Variants in PRPF31 observed in about 807,000 individuals in gnomAD.
PRPF31 encodes the protein pre-mRNA processing factor 31.
In PRPF31, 12 loss-of-function variants were observed where a neutral mutation model predicts 60.4. The observed-to-expected ratio is 0.20, with a 90% confidence interval of 0.13 to 0.32. The LOEUF is 0.32. Ranked by LOEUF, PRPF31 falls within the 10% of genes least tolerant of loss-of-function variation. The probability of loss-of-function intolerance (pLI) is 1.00; values close to 1 mark genes in which losing one functional copy is unlikely to be tolerated. For synonymous variants in PRPF31, 287 were observed against 287.9 expected (o/e 1.00, Z 0.03); for missense variants, 431 against 687.1 (o/e 0.63, Z 4.17).
chr19:54,130,890 C>T (rs1444584847), intron 13 of PRPF31, among the ~76,000 whole-genome samples: 21 of 152,114 alleles, frequency 1.4e-4, no homozygotes, highest in Admixed American at 1.4e-3. Context: ...GGGGCTCGCT[C>T]TGTTGCCTTG....
At chr19:54,123,387 G>A (rs1247834562) in intron 5 of PRPF31, 67 bp from the exon 6 acceptor site, 17 of 1,215,872 alleles carry the variant, frequency 1.4e-5, no homozygotes, top group Non-Finnish European at 2.1e-5. Flanking sequence ...AGGAGGTGCT[G>A]AGCAAGAGAG....
rs57129308 is a variant in PRPF31, at chr19:54,130,976, T to C, written c.1375-331T>C. Among the ~76,000 whole-genome samples, 511 of 152,328 alleles carry C rather than the reference T, an allele frequency of 3.4e-3. 4 individuals are homozygous for C. The highest frequency in any genetic ancestry group is 0.012 in the African/African-American group (487 of 41,576). On this transcript the variant is annotated intron_variant, in intron 13 of 13. Coordinates refer to ENST00000321030, the MANE Select transcript of PRPF31 (RefSeq NM_015629.4). Reference sequence around the variant, plus strand: ...TGATCGTCAGTGGTGTTGGTGTGATTTGTGCTAGGACCTCGGGCCAGCCAT... The same window carrying C: ...TGATCGTCAGTGGTGTTGGTGTGATCTGTGCTAGGACCTCGGGCCAGCCAT...
intron 11 of PRPF31, 63 bp from the exon 12 acceptor site, chr19:54,128,994 G>C: frequency 6.7e-7 from 1 of 1,501,634 alleles, no homozygotes; most frequent in Non-Finnish European, 9.1e-7. Flanking sequence ...TGGAGGGGGT[G>C]CCTCGGTGGC....
intron 1 of PRPF31, among the ~76,000 whole-genome samples, chr19:54,116,356 C>G (rs1241480639): frequency 6.6e-6 from 1 of 152,050 alleles, no homozygotes; most frequent in African/African-American, 2.4e-5. Context: ...AGGCGCGCAC[C>G]ACCACGCCCG....
At position 54,128,022 on chromosome 19, in the gene PRPF31, G is replaced by T. The variant is rs765457751; in HGVS notation, c.946-51G>T. 6.5e-6 allele frequency: 10 copies of T among 1,547,862 alleles called. No homozygotes were observed. The South Asian group carries it at 1.2e-4, about 18-fold the overall frequency. On this transcript the variant is annotated intron_variant, in intron 9 of 13. Coordinates refer to ENST00000321030, the MANE Select transcript of PRPF31 (RefSeq NM_015629.4). ...GGGGGGCCCGCTCAGAGGAGGCCTGGGTGGGCAGCCCACGCGAGCAGCTGC... is the reference window on the plus strand; with the variant it reads ...GGGGGGCCCGCTCAGAGGAGGCCTGTGTGGGCAGCCCACGCGAGCAGCTGC...
intron 5 of PRPF31, 108 bp downstream of exon 5, chr19:54,122,702 T>C: frequency 1.1e-6 from 1 of 901,626 alleles, no homozygotes; most frequent in South Asian, 1.3e-5. Context: ...TGGAGAGGAG[T>C]GGACGAGGGC....
intron 9 of PRPF31, among the ~76,000 whole-genome samples, chr19:54,127,145 G>T (rs1010484199): frequency 6.6e-6 from 1 of 152,100 alleles, no homozygotes; most frequent in South Asian, 2.1e-4. Context: ...AACAGTACAG[G>T]TTTATTATCT....
At chr19:54,118,237 C>T (rs1446745654) in intron 1 of PRPF31, 34 bp from the exon 2 acceptor site, 3 of 1,612,026 alleles carry the variant, frequency 1.9e-6, no homozygotes, top group Non-Finnish European at 2.5e-6. Context: ...TTTGTCGGGG[C>T]AAGTTTTTAG....
intron 13 of PRPF31, among the ~76,000 whole-genome samples, chr19:54,130,341 C>T (rs1287509664): frequency 6.6e-6 from 1 of 152,072 alleles, no homozygotes; most frequent in Non-Finnish European, 1.5e-5. Context: ...GGCAGAAATG[C>T]CAGGCCGGGC....
chr19:54,116,562 G>C (rs1419897601), intron 1 of PRPF31, among the ~76,000 whole-genome samples: 1 of 152,214 alleles, frequency 6.6e-6, no homozygotes, highest in Admixed American at 6.5e-5. Context: ...TGTGGCCCTG[G>C]GGATGTGGAA....
intron 8 of PRPF31, 165 bp downstream of exon 8, chr19:54,124,821 G>T: frequency 1.3e-6 from 1 of 796,456 alleles, no homozygotes; most frequent in East Asian, 2.7e-5. Flanking sequence ...CAGCAGACCA[G>T]CTCCAGCACC....
rs747332626 is a variant in PRPF31, at chr19:54,123,568, C to T, written c.527+8C>T. 14 of 1,613,760 alleles carry T rather than the reference C, an allele frequency of 8.7e-6. No homozygotes were observed. Among genetic ancestry groups the T allele is most frequent in the African/African-American group, 6.7e-5 (5 of 75,022 alleles). On this transcript the variant is annotated splice_region_variant and intron_variant, in intron 6 of 13. Coordinates refer to ENST00000321030, the MANE Select transcript of PRPF31 (RefSeq NM_015629.4). ...CGCCTCCACCACCCAGGGGTATGTC[C>T]GCTTCGAGGGAGGCGCCGGGCCCTA...
chr19:54,126,359 C>G lies in PRPF31; in HGVS notation c.856-169C>G, dbSNP rs1442228812. 4.4e-6 allele frequency: 3 copies of G among 688,276 alleles called. No individual in the cohort carries two copies. The African/African-American group carries it at 5.3e-5, about 12-fold the overall frequency. 42.6% of individuals were successfully genotyped at this position (688,276 alleles called of 1,614,324 possible). A position where few individuals can be genotyped will look rare whatever the true frequency, so the allele number is the denominator to read the frequency against. On this transcript the variant is annotated intron_variant, in intron 8 of 13. Coordinates refer to ENST00000321030, the MANE Select transcript of PRPF31 (RefSeq NM_015629.4). ...TGGCTCTGTGCCCTGCCCTCATCCC[C>G]TCTTCCTGTGAAGTAGGAGCTGAGA...
chr19:54,121,163 C>G (rs2073777274), intron 3 of PRPF31, among the ~76,000 whole-genome samples: 1 of 152,010 alleles, frequency 6.6e-6, no homozygotes, highest in African/African-American at 2.4e-5. Flanking sequence ...ATTAGCCGGG[C>G]ATGGTGGCAC....
chr19:54,130,603 C>T (rs1427006757), intron 13 of PRPF31, among the ~76,000 whole-genome samples: 10 of 146,316 alleles, frequency 6.8e-5, no homozygotes, highest in African/African-American at 1.8e-4. Context: ...TCAGCCTGGG[C>T]GACAGAGCCA....
In PRPF31 at chr19:54,128,220, C is replaced by T. The variant is rs374989926; in HGVS notation, c.1073+20C>T. ...CCGCAGGTGAGGGGCCCTGGGGGTC[C>T]GGTAGGCATGGGGGTCATGGAGGGG... On this transcript the variant is annotated intron_variant, in intron 10 of 13. Transcript: ENST00000321030. The T allele has an allele frequency of 1.6e-4, 256 of 1,568,508 alleles. No homozygotes were observed. The highest frequency in any genetic ancestry group is 2.2e-4 in the Middle Eastern group (1 of 4,478).
chr19:54,128,502 T>TA (rs2073975652), intron 11 of PRPF31, 125 bp downstream of exon 11: 4 of 814,584 alleles, frequency 4.9e-6, no homozygotes, highest in Non-Finnish European at 7.7e-6. Context: ...TGCCCCAGCC[T>TA]CCCCCCCCCC....
chr19:54,131,470 G>C lies in PRPF31; in HGVS notation c.*38G>C, dbSNP rs187709773. On this transcript the variant is annotated 3_prime_UTR_variant, in exon 14 of 14. Coordinates refer to ENST00000321030, the MANE Select transcript of PRPF31 (RefSeq NM_015629.4). ...GTCCAAGGTGGCTTCCCACTGAAGG[G>C]ACACAGAGGTCCAGTCCTTCTGAAG... The C allele has an allele frequency of 6.2e-7, 1 of 1,612,562 alleles. No homozygotes were observed. Among genetic ancestry groups the C allele is most frequent in the Middle Eastern group, 1.7e-4 (1 of 6,060 alleles).
intron 8 of PRPF31, chr19:54,124,946 A>T: frequency 1.8e-6 from 1 of 563,036 alleles, no homozygotes. Context: ...CTCAGTGCAC[A>T]TGAAGCACTT....
Sources: allele counts gnomAD v4.1 joint callset (sites outside exome capture counted in the v4.1 genomes callset), GRCh38; gene constraint gnomAD v4.1.1; transcripts MANE v1.5; gene names NCBI Gene and HGNC (gene_info 2026-07-23, HGNC 2026-07-21).